The following AGAP1 variants were observed in gnomAD, a reference collection of about 807,000 sequenced individuals.
AGAP1 encodes the protein arf-GAP with GTPase, ANK repeat and PH domain-containing protein 1.
AGAP1 carries 29 observed loss-of-function variants against 105.3 expected under a neutral mutation model. The ratio of observed to expected loss-of-function variants is 0.28; its 90% CI spans 0.21 to 0.38. The LOEUF (loss-of-function observed/expected upper bound fraction) is 0.38. Ranked by LOEUF, AGAP1 falls within the 10% of genes least tolerant of loss-of-function variation. The probability of loss-of-function intolerance (pLI) is 1.00; values close to 1 mark genes in which losing one functional copy is unlikely to be tolerated. For synonymous variants in AGAP1, 509 were observed against 485.9 expected, an observed-to-expected ratio of 1.05 and a Z score of -0.63; for missense variants, 998 against 1,165.1, an observed-to-expected ratio of 0.86 and a Z score of 2.09.
intron 9 of AGAP1, among the ~76,000 whole-genome samples, chr2:235,816,424 C>T (rs1376566381): frequency 3.2e-4 from 38 of 118,752 alleles, no homozygotes; most frequent in Middle Eastern, 6.1e-3. Flanking sequence ...GGTGGCAGAG[C>T]GAGACTCCGT....
rs2051251012 is a variant in AGAP1, at chr2:235,905,294, A to T, written c.1156-3444A>T. On this transcript the variant is annotated intron_variant, in intron 10 of 17. Coordinates refer to ENST00000304032, the MANE Select transcript of AGAP1 (RefSeq NM_001037131.3). This position sits in a 1 kb window ranked among gnomAD's most constrained non-coding sequence, Gnocchi z 4.2. The stretch of plus-strand genomic sequence containing the variant: ...ATTTGTTAAGAATTGGCATTAAGGA[A>T]GAAAGTTATAGCAAGTTGATATTTT... 6.6e-6 allele frequency among the ~76,000 whole-genome samples: 1 copy of T among 152,242 alleles called. No homozygotes were observed. The highest frequency in any genetic ancestry group is 1.5e-5 in the Non-Finnish European group (1 of 68,048).
At position 235,959,261 on chromosome 2, in the gene AGAP1, C is replaced by T. The variant is rs940378744; in HGVS notation, c.1484-9201C>T. Among the ~76,000 whole-genome samples the T allele has an allele frequency of 6.6e-6, 1 of 152,282 alleles. No homozygotes were observed. Among genetic ancestry groups the T allele is most frequent in the South Asian group, 2.1e-4 (1 of 4,820 alleles). On this transcript the variant is annotated intron_variant, in intron 12 of 17. Coordinates refer to ENST00000304032, the MANE Select transcript of AGAP1 (RefSeq NM_001037131.3). The surrounding 1 kb of genome is among the most constrained non-coding windows in gnomAD (Gnocchi z 7.3). ...GAGGAGCGGATGGCGCTCCGTGGGC[C>T]GGCTGGAGCTCATTTACAGTGTCTC...
chr2:236,091,726 C>T (rs1485189720), intron 16 of AGAP1, among the ~76,000 whole-genome samples: 1 of 152,194 alleles, frequency 6.6e-6, no homozygotes, highest in Non-Finnish European at 1.5e-5. Context: ...AAGCTGGGAT[C>T]ATGCCACTGA....
At chr2:236,026,811 CA>C (rs1296471468) in intron 13 of AGAP1, among the ~76,000 whole-genome samples, 1 of 152,156 alleles carries the variant, frequency 6.6e-6, no homozygotes, top group African/African-American at 2.4e-5. Context: ...AAGGCCCAAC[CA>C]TCTTGTTCTC....
At chr2:235,779,270 C>T (rs1378665897) in intron 6 of AGAP1, among the ~76,000 whole-genome samples, 1 of 152,216 alleles carries the variant, frequency 6.6e-6, no homozygotes, top group Non-Finnish European at 1.5e-5. Flanking sequence ...AATACAGCCT[C>T]GCCAAGATAC....
At chr2:235,826,832 C>A (rs983253838) in intron 9 of AGAP1, among the ~76,000 whole-genome samples, 1 of 152,202 alleles carries the variant, frequency 6.6e-6, no homozygotes, top group Non-Finnish European at 1.5e-5. Flanking sequence ...TGGCTGTCTT[C>A]GTCACTTTTC....
chr2:235,918,404 T>C (rs769341684), intron 11 of AGAP1, among the ~76,000 whole-genome samples: 1 of 152,268 alleles, frequency 6.6e-6, no homozygotes, highest in African/African-American at 2.4e-5. Flanking sequence ...GTTAATGTTT[T>C]GTGAGGCTTC....
At position 235,725,213 on chromosome 2, in the gene AGAP1, C is replaced by A. The variant is rs995483115; in HGVS notation, c.310+7569C>A. Among the ~76,000 whole-genome samples, 1 of 152,184 alleles carries A rather than the reference C, an allele frequency of 6.6e-6. No homozygotes were observed. The highest frequency in any genetic ancestry group is 2.1e-4 in the South Asian group (1 of 4,828). On this transcript the variant is annotated intron_variant, in intron 3 of 17. Coordinates refer to ENST00000304032, the MANE Select transcript of AGAP1 (RefSeq NM_001037131.3). The surrounding 1 kb of genome is among the most constrained non-coding windows in gnomAD (Gnocchi z 5.7). ...TTGTTCCCGGGGTTAGCCTTGCCAC[C>A]CTCCTTCAGGACTGCCTAGAATTGT...
intron 13 of AGAP1, among the ~76,000 whole-genome samples, chr2:236,011,860 G>T (rs191218636): frequency 1.3e-5 from 2 of 152,054 alleles, no homozygotes; most frequent in African/African-American, 4.8e-5. Flanking sequence ...CAGTGGCTGG[G>T]TGGCACCAAA....
intron 10 of AGAP1, among the ~76,000 whole-genome samples, chr2:235,885,227 A>G (rs1168557725): frequency 6.6e-6 from 1 of 152,200 alleles, no homozygotes; most frequent in African/African-American, 2.4e-5. Flanking sequence ...TACACTGCCC[A>G]CAGCCTGCCT....
chr2:236,094,321 G>A (rs2059138771), intron 16 of AGAP1, among the ~76,000 whole-genome samples: 1 of 151,332 alleles, frequency 6.6e-6, no homozygotes, highest in African/African-American at 2.4e-5. Flanking sequence ...AAATACGATG[G>A]GTCACCATGG....
Position 236,120,347 on chromosome 2 carries a change from G to C in AGAP1, c.2270G>C (p.Arg757Pro). Residue 757 changes from arginine (R) to proline (P), a missense_variant, in exon 17 of 18, where the codon CGG (arginine) becomes CCG (proline). Physicochemically the swap from Arg to Pro is moderately radical, Grantham distance 103. Coordinates refer to ENST00000304032, the MANE Select transcript of AGAP1 (RefSeq NM_001037131.3). The surrounding 1 kb of genome is among the most constrained non-coding windows in gnomAD (Gnocchi z 6.0). ...TAILLLAHGS[R>P]DEVNETCGEG... The stretch of plus-strand genomic sequence containing the variant: ...ATCCTGCTGCTGGCACACGGCTCCC[G>C]GGACGAGGTGAACGAGACCTGCGGG... 1.2e-6 allele frequency: 2 copies of C among 1,612,052 alleles called. No homozygotes were observed. Among genetic ancestry groups the C allele is most frequent in the Non-Finnish European group, 1.7e-6 (2 of 1,179,730 alleles).
chr2:235,897,434 A>G (rs2050858990), intron 10 of AGAP1, among the ~76,000 whole-genome samples: 1 of 152,154 alleles, frequency 6.6e-6, no homozygotes, highest in South Asian at 2.1e-4. Flanking sequence ...TTGCATTTCT[A>G]GTTAAAATGA....
intron 1 of AGAP1, among the ~76,000 whole-genome samples, chr2:235,656,004 CAAAG>C (rs1242001985): frequency 6.6e-6 from 1 of 152,156 alleles, no homozygotes; most frequent in East Asian, 1.9e-4. Flanking sequence ...CCAGGAAAGA[CAAAG>C]AAATGCAGAG....
intron 16 of AGAP1, among the ~76,000 whole-genome samples, chr2:236,054,433 CTT>C (rs1437237572): frequency 7.3e-6 from 1 of 137,664 alleles, no homozygotes; most frequent in Admixed American, 7.8e-5. Context: ...TGTTTTGTCT[CTT>C]TTGAGTGTTC....
chr2:235,742,467 CA>C (rs1223425295), intron 4 of AGAP1, among the ~76,000 whole-genome samples: 3 of 152,164 alleles, frequency 2.0e-5, no homozygotes, highest in Non-Finnish European at 4.4e-5. Context: ...TGAACTTGAT[CA>C]TAACAAGGAA....
intron 1 of AGAP1, among the ~76,000 whole-genome samples, chr2:235,503,906 T>C (rs75930710): frequency 0.014 from 2,132 of 152,256 alleles, 45 homozygotes; most frequent in Non-Finnish European, 0.018. Context: ...TAGTTTTTAA[T>C]TTTTGAGACA....
In AGAP1 at chr2:236,126,947, G is replaced by A. The variant is rs1260724441; in HGVS notation, c.*2825G>A. On this transcript the variant is annotated 3_prime_UTR_variant, in exon 18 of 18. Transcript: ENST00000304032. ...AGCTAGGAATAACTCGTTTGAGAAGGGGGTGGAGTTTTCGTTGTTCATTTC... is the reference window on the plus strand; with the variant it reads ...AGCTAGGAATAACTCGTTTGAGAAGAGGGTGGAGTTTTCGTTGTTCATTTC... The A allele has an allele frequency of 6.6e-6, 1 of 152,234 alleles. No individual in the cohort carries two copies. The highest frequency in any genetic ancestry group is 1.5e-5 in the Non-Finnish European group (1 of 68,082). 9.4% of individuals were successfully genotyped at this position (152,234 alleles called of 1,614,324 possible).
rs1041111060 is a variant in AGAP1, at chr2:235,729,040, A to G, written c.310+11396A>G. Among the ~76,000 whole-genome samples, 9 of 152,132 alleles carry G rather than the reference A, an allele frequency of 5.9e-5. No individual in the cohort carries two copies. Among genetic ancestry groups the G allele is most frequent in the Admixed American group, 5.9e-4 (9 of 15,284 alleles). ...GTGGGGTTGGCCAGGCAGAGGCATG[A>G]TAAGAGTCAGAGTGGCTGGGCTCCA... On this transcript the variant is annotated intron_variant, in intron 3 of 17. Transcript: ENST00000304032. The surrounding 1 kb of genome is among the most constrained non-coding windows in gnomAD (Gnocchi z 5.0).
Sources: gnomAD v4.1 joint callset for allele counts (sites outside exome capture counted in the v4.1 genomes callset) on GRCh38, gnomAD v4.1.1 for gene constraint, Gnocchi (gnomAD v3.1) non-coding constraint, MANE v1.5 for transcripts, NCBI Gene and HGNC (gene_info 2026-07-23, HGNC 2026-07-21) for gene names.